Variants in PKIB observed in about 807,000 individuals in gnomAD.
PKIB encodes the protein PKI-beta.
A neutral mutation model predicts 4.5 loss-of-function variants in PKIB; 2 were observed. The observed-to-expected ratio is 0.44, with a 90% CI of 0.18 to 1.39. The LOEUF is 1.39. PKIB is among the 40% of genes most tolerant of loss of function. The probability of loss-of-function intolerance (pLI) is 0.27; values close to 1 mark genes in which losing one functional copy is unlikely to be tolerated. For missense variants in PKIB, 94 were observed against 92.6 expected (o/e 1.02, Z -0.06); for synonymous variants, 38 against 36.0 (o/e 1.06, Z -0.20).
At chr6:122,638,055 A>G (rs1037441240) in intron 2 of PKIB, among the ~76,000 whole-genome samples, 2 of 152,188 alleles carry the variant, frequency 1.3e-5, no homozygotes, top group African/African-American at 4.8e-5. Context: ...TGTCTTGAAT[A>G]ATGCAGTAGA....
At chr6:122,608,384 GATTGT>G (rs1472479652), upstream of PKIB, among the ~76,000 whole-genome samples, 28 of 152,312 alleles carry the variant, frequency 1.8e-4, no homozygotes, top group Admixed American at 1.1e-3. Context: ...CAATTCACAT[GATTGT>G]GTGGAATTAC....
chr6:122,522,759 C>T (rs140587735), intron 2 of PKIB, among the ~76,000 whole-genome samples: 1,815 of 152,252 alleles, frequency 0.012, 41 homozygotes, highest in African/African-American at 0.042. Flanking sequence ...TAACCAGTTC[C>T]AGTGAGATGA....
chr6:122,505,367 C>G (rs1040849290), intron 2 of PKIB, among the ~76,000 whole-genome samples: 1 of 152,178 alleles, frequency 6.6e-6, no homozygotes, highest in African/African-American at 2.4e-5. Context: ...CCAGTTTATA[C>G]AGGCACCCCA....
At chr6:122,536,129 G>A (rs1268456343) in intron 2 of PKIB, among the ~76,000 whole-genome samples, 2 of 152,152 alleles carry the variant, frequency 1.3e-5, no homozygotes, top group African/African-American at 2.4e-5. Flanking sequence ...CAGTAGAGAC[G>A]GAGTTTCACC....
At chr6:122,472,121 C>G (rs1775321426) in intron 1 of PKIB, 3 of 193,274 alleles carry the variant, frequency 1.6e-5, no homozygotes, top group Non-Finnish European at 3.2e-5. Flanking sequence ...TGGTGGTTGA[C>G]GTTTTGCCCT....
At chr6:122,704,185 CTCTA>C (rs1778958764) in intron 3 of PKIB, among the ~76,000 whole-genome samples, 1 of 152,046 alleles carries the variant, frequency 6.6e-6, no homozygotes, top group Admixed American at 6.6e-5. Context: ...TTCTCCTTCT[CTCTA>C]TCTTTTTATT....
chr6:122,502,287 A>G (rs553325339), intron 2 of PKIB, among the ~76,000 whole-genome samples: 1 of 152,104 alleles, frequency 6.6e-6, no homozygotes, highest in Admixed American at 6.5e-5. Context: ...ATTTTCAGGT[A>G]TCTTTATAGC....
chr6:122,576,710 A>ATATATATATATATTTTTT (rs59569106), intron 2 of PKIB, among the ~76,000 whole-genome samples: 2 of 110,016 alleles, frequency 1.8e-5, no homozygotes, highest in African/African-American at 7.9e-5. Context: ...ATATATATAT[A>ATATATATATATATTTTTT]TTTTCTTTTG....
chr6:122,505,494 A>G (rs190529172), intron 2 of PKIB, among the ~76,000 whole-genome samples: 65 of 152,300 alleles, frequency 4.3e-4, no homozygotes, highest in Admixed American at 8.5e-4. Context: ...TGTAGACTAA[A>G]AGTAAACAGC....
At chr6:122,609,595 A>G (rs1774665062), upstream of PKIB, among the ~76,000 whole-genome samples, 1 of 152,228 alleles carries the variant, frequency 6.6e-6, no homozygotes, top group African/African-American at 2.4e-5. Context: ...AAGACTAGAG[A>G]TAAGAGAAGA....
At chr6:122,586,754 A>G (rs543192804) in intron 3 of PKIB, among the ~76,000 whole-genome samples, 3 of 152,170 alleles carry the variant, frequency 2.0e-5, no homozygotes, top group Non-Finnish European at 4.4e-5. Flanking sequence ...ACAACGGAGC[A>G]GATGGGTCTT....
At chr6:122,717,639 C>A (rs1389323019) in intron 3 of PKIB, 148 bp from the exon 4 acceptor site, 2 of 773,972 alleles carry the variant, frequency 2.6e-6, no homozygotes, top group East Asian at 2.5e-5. Context: ...GCTGCAGGAC[C>A]GTAACAGTAG....
chr6:122,474,728 G>C (rs1050656265), intron 1 of PKIB, among the ~76,000 whole-genome samples: 4 of 152,322 alleles, frequency 2.6e-5, no homozygotes, highest in Admixed American at 1.3e-4. Flanking sequence ...ACAGAAATGG[G>C]CTGGGAGATC....
At chr6:122,550,685 A>G (rs1772650750) in intron 2 of PKIB, among the ~76,000 whole-genome samples, 1 of 152,124 alleles carries the variant, frequency 6.6e-6, no homozygotes, top group African/African-American at 2.4e-5. Flanking sequence ...AAATGCTTCA[A>G]AGCACCTGTC....
At chr6:122,529,795 C>G (rs981642862) in intron 2 of PKIB, among the ~76,000 whole-genome samples, 8 of 152,114 alleles carry the variant, frequency 5.3e-5, no homozygotes, top group Non-Finnish European at 1.0e-4. Context: ...GCTGAGAAAT[C>G]CCCTGATAAT....
At chr6:122,567,203 A>G (rs578056705) in intron 2 of PKIB, among the ~76,000 whole-genome samples, 1 of 152,286 alleles carries the variant, frequency 6.6e-6, no homozygotes, top group Non-Finnish European at 1.5e-5. Context: ...TCTGAGATGC[A>G]GAAGGCATTT....
chr6:122,499,244 T>C (rs1014173047), intron 2 of PKIB, among the ~76,000 whole-genome samples: 1 of 152,144 alleles, frequency 6.6e-6, no homozygotes, highest in Non-Finnish European at 1.5e-5. Context: ...TATTGAAATC[T>C]GTCAAAGAAA....
In PKIB at chr6:122,697,335, TA is replaced by T. The variant is rs749215664; in HGVS notation, c.-8-20449del. On this transcript the variant is annotated intron_variant, in intron 3 of 4. Coordinates refer to ENST00000368452, the MANE Select transcript of PKIB (RefSeq NM_181795.3). ...GACCTGTTTTATCAGATATCAAGCCTAAATTTTTGGCTTTATGCTACAATTG... is the reference window on the plus strand; with the variant it reads ...GACCTGTTTTATCAGATATCAAGCCTAATTTTTGGCTTTATGCTACAATTG... 1.4e-3 allele frequency among the ~76,000 whole-genome samples: 219 copies of T among 152,178 alleles called. 1 individual carries two copies. The highest frequency in any genetic ancestry group is 2.8e-3 in the Admixed American group (42 of 15,266).
intron 2 of PKIB, among the ~76,000 whole-genome samples, chr6:122,532,369 A>G (rs1223676100): frequency 6.6e-6 from 1 of 152,132 alleles, no homozygotes; most frequent in Non-Finnish European, 1.5e-5. Flanking sequence ...CAACCTTTTT[A>G]TTGTGGTAAA....
Sources: allele counts gnomAD v4.1 joint callset (sites outside exome capture counted in the v4.1 genomes callset), GRCh38; gene constraint gnomAD v4.1.1; transcripts MANE v1.5; gene names NCBI Gene and HGNC (gene_info 2026-07-23, HGNC 2026-07-21).